The following EML2 variants were observed in gnomAD, a reference collection of about 807,000 sequenced individuals.
EML2 encodes EMAP like 2.
EML2 carries 59 observed loss-of-function variants against 84.7 expected under a neutral mutation model. The observed-to-expected ratio is 0.70, with a 90% CI of 0.56 to 0.86. The LOEUF is 0.86. Ranked by LOEUF, EML2 falls within the 40% of genes least tolerant of loss-of-function variation. The pLI, the probability that EML2 is intolerant of heterozygous loss-of-function variation, is 0.00. For missense variants in EML2, 818 were observed against 855.6 expected (o/e 0.96, Z 0.55); for synonymous variants, 352 against 348.9 (o/e 1.01, Z -0.10).
chr19:45,623,520 C>G (rs1449704671), intron 9 of EML2: 1 of 151,730 alleles, frequency 6.6e-6, no homozygotes, highest in African/African-American at 2.4e-5. Flanking sequence ...TAGAGTGAGA[C>G]CCTGTCTTAA....
chr19:45,645,454 A>T, upstream of EML2: 2 of 1,412,620 alleles, frequency 1.4e-6, no homozygotes, highest in Non-Finnish European at 1.8e-6. Flanking sequence ...TCCCCAGCTC[A>T]GCTCGCCTGG....
At chr19:45,625,126 G>A (rs186893502) in intron 8 of EML2, among the ~76,000 whole-genome samples, 2 of 152,176 alleles carry the variant, frequency 1.3e-5, no homozygotes, top group Admixed American at 1.3e-4. Context: ...GAGTGCAGTG[G>A]CATGTCTCGG....
intron 18 of EML2, among the ~76,000 whole-genome samples, chr19:45,610,513 G>C (rs1298063764): frequency 6.6e-6 from 1 of 151,854 alleles, no homozygotes; most frequent in African/African-American, 2.4e-5. Context: ...GACTAGCCTG[G>C]CCAACGTGGT....
rs201861660 is a variant in EML2 at position 45,615,779 on chromosome 19, T to A, written c.1597+23A>T. ...TGCAAATGAGACGGAGGAAGTAATGTCTCTGGGTCCCGGAGAACTCACAGT... is the reference window on the plus strand; with the variant it reads ...TGCAAATGAGACGGAGGAAGTAATGACTCTGGGTCCCGGAGAACTCACAGT... On this transcript the variant is annotated intron_variant, in intron 16 of 18. Transcript: ENST00000245925. The A allele has an allele frequency of 2.7e-5, 44 of 1,601,776 alleles. No homozygotes were observed. The Middle Eastern group carries it at 5.0e-4, about 18-fold the overall frequency.
chr19:45,633,156 C>T lies in EML2; in HGVS notation c.330-17G>A. The T allele has an allele frequency of 6.2e-7, 1 of 1,604,782 alleles. No homozygotes were observed. ...ATGGCCAAGCTGCGGAAAGAAGGGA[C>T]AGAGAGACCAGGGCTCAGTGGGAGA... On this transcript the variant is annotated splice_polypyrimidine_tract_variant and intron_variant, in intron 4 of 18. Coordinates refer to ENST00000245925, the MANE Select transcript of EML2 (RefSeq NM_012155.4).
At chr19:45,638,228 G>C (rs1033693825) in intron 3 of EML2, among the ~76,000 whole-genome samples, 1 of 152,170 alleles carries the variant, frequency 6.6e-6, no homozygotes, top group South Asian at 2.1e-4. Flanking sequence ...GGCCAGGTAC[G>C]GGCTGGACTG....
At chr19:45,609,845 C>A in intron 18 of EML2, 57 bp from the exon 19 acceptor site, 1 of 1,580,200 alleles carries the variant, frequency 6.3e-7, no homozygotes. Context: ...GCCACCCCAT[C>A]ATGGTCCTCT....
At chr19:45,629,481 T>C (rs984789218) in intron 7 of EML2, among the ~76,000 whole-genome samples, 2 of 152,022 alleles carry the variant, frequency 1.3e-5, no homozygotes, top group Non-Finnish European at 2.9e-5. Context: ...TGTGCTACCA[T>C]GCCCAGCTAA....
intron 18 of EML2, among the ~76,000 whole-genome samples, chr19:45,610,717 G>T (rs1326319124): frequency 2.0e-5 from 3 of 151,706 alleles, no homozygotes; most frequent in Non-Finnish European, 2.9e-5. Flanking sequence ...GCACACGCCT[G>T]TAGTCCCAGC....
At chr19:45,623,989 C>A (rs1025970605) in intron 9 of EML2, among the ~76,000 whole-genome samples, 9 of 152,190 alleles carry the variant, frequency 5.9e-5, no homozygotes, top group African/African-American at 2.2e-4. Flanking sequence ...CAGCCTCAAC[C>A]CATTAGTTTG....
intron 4 of EML2, 148 bp from the exon 5 acceptor site, chr19:45,633,287 C>T (rs893420138): frequency 2.5e-6 from 2 of 785,214 alleles, no homozygotes; most frequent in East Asian, 2.7e-5. Flanking sequence ...GGATGCCCTC[C>T]GGGTGCGCTG....
chr19:45,619,348 A>G (rs79890694), intron 11 of EML2, 157 bp from the exon 12 acceptor site: 15 of 928,244 alleles, frequency 1.6e-5, no homozygotes, highest in Middle Eastern at 3.7e-4. Flanking sequence ...GGGGGCCTCA[A>G]TTGGGCATCT....
At chr19:45,641,582 A>G (rs368525906), upstream of EML2, 5 of 1,502,854 alleles carry the variant, frequency 3.3e-6, no homozygotes, top group South Asian at 2.4e-5. Flanking sequence ...GCATGACTAC[A>G]TTTCTCGACC....
chr19:45,635,926 G>A (rs1973678375), intron 3 of EML2, among the ~76,000 whole-genome samples: 1 of 151,954 alleles, frequency 6.6e-6, no homozygotes, highest in African/African-American at 2.4e-5. Flanking sequence ...ACTTGCAAAT[G>A]TGACCTTACA....
chr19:45,612,210 G>A (rs1020598660), intron 18 of EML2, among the ~76,000 whole-genome samples: 45 of 151,962 alleles, frequency 3.0e-4, no homozygotes, highest in African/African-American at 1.0e-3. Context: ...GATTACAGGC[G>A]CCTGCCACTA....
At chr19:45,618,496 C>G (rs1600100506) in intron 12 of EML2, among the ~76,000 whole-genome samples, 2 of 152,244 alleles carry the variant, frequency 1.3e-5, no homozygotes, top group Admixed American at 1.3e-4. Context: ...TCCTTGAACT[C>G]AGCGGCTCCT....
chr19:45,621,647 G>A lies in EML2; in HGVS notation c.842-10C>T. The A allele has an allele frequency of 1.2e-6, 2 of 1,605,168 alleles. No individual in the cohort carries two copies. Among genetic ancestry groups the A allele is most frequent in the African/African-American group, 1.3e-5 (1 of 75,012 alleles). The stretch of plus-strand genomic sequence containing the variant: ...GTGATACGGTTCCCACCTGCAGGGT[G>A]GCCAGGGGCAGGGTCAACAGGGAGA... On this transcript the variant is annotated splice_polypyrimidine_tract_variant and intron_variant, in intron 9 of 18. Transcript: ENST00000245925.
intron 18 of EML2, among the ~76,000 whole-genome samples, chr19:45,611,867 GTTT>G (rs1246131776): frequency 6.6e-6 from 1 of 151,816 alleles, no homozygotes; most frequent in East Asian, 1.9e-4. Flanking sequence ...GTGTGTGTGG[GTTT>G]TTTTGTTTTT....
intron 16 of EML2, 96 bp downstream of exon 16, chr19:45,615,706 G>A (rs1970972805): frequency 9.3e-7 from 1 of 1,079,090 alleles, no homozygotes; most frequent in South Asian, 1.3e-5. Flanking sequence ...AATACCAAGG[G>A]AGCGAGGCTT....
Sources: gnomAD v4.1 joint callset for allele counts (sites outside exome capture counted in the v4.1 genomes callset) on GRCh38, gnomAD v4.1.1 for gene constraint, MANE v1.5 for transcripts, NCBI Gene and HGNC (gene_info 2026-07-23, HGNC 2026-07-21) for gene names.